Variants in C11orf65 observed in about 807,000 individuals in gnomAD.
C11orf65 encodes the protein protein MFI.
C11orf65 carries 38 observed loss-of-function variants against 35.3 expected under a neutral mutation model. That is an observed-to-expected ratio of 1.08 (90% CI 0.83 to 1.41). The LOEUF (loss-of-function observed/expected upper bound fraction) is 1.41, where lower values mean the gene tolerates loss of function less well. Among genes scored for constraint, C11orf65 ranks in the 40% most tolerant of loss-of-function variants. The probability of loss-of-function intolerance (pLI) is 0.00; values close to 1 mark genes in which losing one functional copy is unlikely to be tolerated. For missense variants in C11orf65, 370 were observed against 367.1 expected (o/e 1.01, Z -0.06); for synonymous variants, 105 against 114.4 (o/e 0.92, Z 0.53).
intron 6 of C11orf65, among the ~76,000 whole-genome samples, chr11:108,321,660 G>A (rs1351728940): frequency 6.6e-6 from 1 of 151,910 alleles, no homozygotes; most frequent in Non-Finnish European, 1.5e-5. Flanking sequence ...GTGGGCGCCT[G>A]TAATCTCAGC....
At chr11:108,410,528 A>C (rs2092635203) in intron 3 of C11orf65, among the ~76,000 whole-genome samples, 1 of 151,734 alleles carries the variant, frequency 6.6e-6, no homozygotes, top group African/African-American at 2.4e-5. Flanking sequence ...TAATTTTTTT[A>C]ATTTTTTGTA....
chr11:108,467,641 T>C (rs2093556779), upstream of C11orf65: 1 of 152,060 alleles, frequency 6.6e-6, no homozygotes, highest in African/African-American at 2.4e-5. Flanking sequence ...ACCAACCGCT[T>C]GTGAAGGCTG....
rs1487975480 is a variant in C11orf65, at chr11:108,401,728, A to C, written c.560+3701T>G. Among the ~76,000 whole-genome samples, 5 of 152,124 alleles carry C rather than the reference A, an allele frequency of 3.3e-5. No individual in the cohort carries two copies. The South Asian group carries it at 6.2e-4, about 19-fold the overall frequency. On this transcript the variant is annotated intron_variant, in intron 6 of 8. Transcript: ENST00000393084. ...GATGTTAATCCGACTGGGCCAGTAC[A>C]CCTAAAATAACAAATATCCTCCTCT...
chr11:108,452,666 T>C (rs1369504620), intron 2 of C11orf65, among the ~76,000 whole-genome samples: 5 of 152,098 alleles, frequency 3.3e-5, no homozygotes, highest in South Asian at 4.1e-4. Context: ...ATCCAAAGGA[T>C]TATAAATCAT....
At chr11:108,451,195 T>A (rs1484414299) in intron 2 of C11orf65, among the ~76,000 whole-genome samples, 3 of 151,912 alleles carry the variant, frequency 2.0e-5, no homozygotes, top group Admixed American at 6.6e-5. Context: ...GGTATTCAAT[T>A]AGGAAGAGAG....
At chr11:108,351,828 G>A (rs114078908) in intron 2 of C11orf65, among the ~76,000 whole-genome samples, 1,961 of 152,264 alleles carry the variant, frequency 0.013, 30 homozygotes, top group African/African-American at 0.031. Flanking sequence ...CCTTTGCAAT[G>A]TATCATTTAT....
chr11:108,442,966 T>C (rs922094305), intron 2 of C11orf65, among the ~76,000 whole-genome samples: 6 of 152,032 alleles, frequency 3.9e-5, no homozygotes, highest in Non-Finnish European at 5.9e-5. Context: ...TCACATATAA[T>C]AATATTAACT....
At chr11:108,370,191 T>C (rs538103984) in intron 2 of C11orf65, among the ~76,000 whole-genome samples, 2 of 152,214 alleles carry the variant, frequency 1.3e-5, no homozygotes, top group East Asian at 3.9e-4. Flanking sequence ...TTTGTTTTTT[T>C]AAATGTTCTT....
At chr11:108,380,479 C>T (rs1046944265), downstream of C11orf65, among the ~76,000 whole-genome samples, 2 of 151,594 alleles carry the variant, frequency 1.3e-5, no homozygotes, top group Admixed American at 6.6e-5. Flanking sequence ...CACTTTTATG[C>T]TTACCAGAGA....
At chr11:108,376,297 C>A (rs1010444814) in intron 2 of C11orf65, among the ~76,000 whole-genome samples, 26 of 151,908 alleles carry the variant, frequency 1.7e-4, no homozygotes, top group Middle Eastern at 6.8e-3. Context: ...GACCACAGTG[C>A]AATCAAACTA....
At chr11:108,386,082 G>GCC in intron 7 of C11orf65, 107 bp from the exon 8 acceptor site, 3 of 883,120 alleles carry the variant, frequency 3.4e-6, no homozygotes, top group Non-Finnish European at 5.5e-6. Flanking sequence ...ATGATGGCAT[G>GCC]TTCACTAGCC....
Position 108,341,437 on chromosome 11 carries a change from G to A in C11orf65, c.227-6145C>T, listed in dbSNP as rs139167019. Among the ~76,000 whole-genome samples, 487 of 152,170 alleles carry A rather than the reference G, an allele frequency of 3.2e-3. 1 individual carries two copies. Among genetic ancestry groups the A allele is most frequent in the Non-Finnish European group, 5.7e-3 (390 of 67,998 alleles). ...TAGGATATATGTTCCTCACCAGAATGAAACTTTATGAGGGCATAGTCTTCA... is the reference window on the plus strand; with the variant it reads ...TAGGATATATGTTCCTCACCAGAATAAAACTTTATGAGGGCATAGTCTTCA... On this transcript the variant is annotated intron_variant, in intron 2 of 3. Coordinates refer to the C11orf65 transcript ENST00000524755.
At chr11:108,461,392 T>C in intron 2 of C11orf65, 87 bp downstream of exon 2, 1 of 1,019,242 alleles carries the variant, frequency 9.8e-7, no homozygotes, top group East Asian at 2.6e-5. Context: ...AGAGAGAGAT[T>C]CTGTCTTAAA....
chr11:108,343,395 G>A (rs2136956015), intron 2 of C11orf65: 1 of 1,612,628 alleles, frequency 6.2e-7, no homozygotes, highest in Non-Finnish European at 8.5e-7. Context: ...AAAATTAAAG[G>A]TTATTGTAAG....
At chr11:108,374,917 C>G (rs1027628436) in intron 2 of C11orf65, among the ~76,000 whole-genome samples, 4 of 151,950 alleles carry the variant, frequency 2.6e-5, no homozygotes, top group African/African-American at 7.2e-5. Context: ...TAAAATGAAG[C>G]GAGAAGGGAA....
chr11:108,323,751 G>A (rs2085401038), intron 6 of C11orf65, among the ~76,000 whole-genome samples: 1 of 152,154 alleles, frequency 6.6e-6, no homozygotes, highest in African/African-American at 2.4e-5. Flanking sequence ...TGTTTCTTTG[G>A]TAGAGAAATA....
chr11:108,338,082 C>G (rs979994591), intron 2 of C11orf65, among the ~76,000 whole-genome samples: 1 of 152,262 alleles, frequency 6.6e-6, no homozygotes, highest in African/African-American at 2.4e-5. Flanking sequence ...GGCATGGTGG[C>G]CCACGCCTGT....
intron 6 of C11orf65, among the ~76,000 whole-genome samples, chr11:108,311,308 G>A (rs1422112073): frequency 6.6e-6 from 1 of 152,112 alleles, no homozygotes; most frequent in Non-Finnish European, 1.5e-5. Context: ...ATACCCATTT[G>A]TGTACAGAAA....
chr11:108,407,034 A>G, intron 4 of C11orf65, 62 bp downstream of exon 4: 1 of 1,571,926 alleles, frequency 6.4e-7, no homozygotes, highest in Non-Finnish European at 8.7e-7. Context: ...GAAAAATTAC[A>G]TTGTTTCAAT....
Sources: gnomAD v4.1 joint callset for allele counts (sites outside exome capture counted in the v4.1 genomes callset) on GRCh38, gnomAD v4.1.1 for gene constraint, MANE v1.5 for transcripts, NCBI Gene and HGNC (gene_info 2026-07-23, HGNC 2026-07-21) for gene names.